ZNF469: variants seen among roughly 807,000 people sequenced by gnomAD.
ZNF469 encodes zinc finger protein 469.
Under a neutral mutation model 1.0 loss-of-function variants are expected in ZNF469, and 1 was observed. That is an observed-to-expected ratio of 1.00 (90% CI 0.35 to 4.73). The LOEUF (loss-of-function observed/expected upper bound fraction) is 4.73. Ranked by LOEUF, ZNF469 falls within the 30% of genes most tolerant of loss-of-function variation. ZNF469 has a pLI of 0.16. For synonymous variants in ZNF469, 2,703 were observed against 2,363.4 expected, an observed-to-expected ratio of 1.14 and a Z score of -4.17; for missense variants, 6,100 against 5,356.3, an observed-to-expected ratio of 1.14 and a Z score of -4.33.
Position 88,438,846 on chromosome 16 carries a change from G to C in ZNF469, c.11376G>C (p.Gly3792=). ...ARAQAKSCTK[G]PREAGEQGPH... The stretch of plus-strand genomic sequence containing the variant: ...CCCAAGCCAAGAGCTGCACCAAGGG[G>C]CCAAGGGAAGCTGGTGAGCAGGGGC... The change falls in exon 3 of 3, where the codon GGG becomes GGC. Residue 3792 remains glycine (G), a synonymous_variant. Coordinates refer to ENST00000565624, the MANE Select transcript of ZNF469 (RefSeq NM_001367624.2). 1.3e-6 allele frequency: 2 copies of C among 1,550,424 alleles called. No individual in the cohort carries two copies. The highest frequency in any genetic ancestry group is 1.7e-6 in the Non-Finnish European group (2 of 1,146,984).
At chr16:88,198,349 G>A in the ZNF469 span, among the ~76,000 whole-genome samples, 2 of 152,294 alleles carry the variant, frequency 1.3e-5, no homozygotes, top group South Asian at 2.1e-4. Context: ...TGGGAAGCCC[G>A]GCAGACCCCT....
At chr16:88,113,246 A>G in the ZNF469 span, among the ~76,000 whole-genome samples, 1 of 152,092 alleles carries the variant, frequency 6.6e-6, no homozygotes, top group Non-Finnish European at 1.5e-5. Flanking sequence ...TGGATTCCAG[A>G]CTTTAATCCA....
the ZNF469 span, among the ~76,000 whole-genome samples, chr16:88,128,639 C>T: frequency 1.3e-5 from 2 of 152,238 alleles, no homozygotes; most frequent in Non-Finnish European, 2.9e-5. Context: ...GGGCTTCTCT[C>T]CCCCGACCCA....
the ZNF469 span, among the ~76,000 whole-genome samples, chr16:88,127,429 A>G: frequency 6.6e-6 from 1 of 152,324 alleles, no homozygotes; most frequent in Non-Finnish European, 1.5e-5. Context: ...GCGACTTTCT[A>G]TTTGGTCAGT....
the ZNF469 span, among the ~76,000 whole-genome samples, chr16:88,112,173 T>C: frequency 2.0e-5 from 3 of 150,916 alleles, no homozygotes; most frequent in East Asian, 6.1e-4. Flanking sequence ...GCGCGTTGGC[T>C]AACGCCTGAA....
At chr16:88,415,782 G>A (rs760725469) in intron 1 of ZNF469, among the ~76,000 whole-genome samples, 7 of 152,218 alleles carry the variant, frequency 4.6e-5, no homozygotes, top group East Asian at 3.9e-4. Context: ...AACCGGGACC[G>A]ACGGCTTCTT....
At chr16:88,312,777 C>T in the ZNF469 span, among the ~76,000 whole-genome samples, 28 of 152,192 alleles carry the variant, frequency 1.8e-4, no homozygotes, top group African/African-American at 4.8e-4. Context: ...GCAGTCAATG[C>T]GTCTGCCTTG....
At chr16:88,284,637 G>T in the ZNF469 span, among the ~76,000 whole-genome samples, 1 of 149,814 alleles carries the variant, frequency 6.7e-6, no homozygotes, top group Non-Finnish European at 1.5e-5. Flanking sequence ...AAAAGAACAG[G>T]CTCCTGTAAA....
At chr16:88,237,200 G>T in the ZNF469 span, among the ~76,000 whole-genome samples, 9,303 of 18,502 alleles carry the variant, frequency 0.5, 2,917 homozygotes, top group Non-Finnish European at 0.71. Context: ...CCTGCCCTCT[G>T]TGCTCCTGCC....
At chr16:88,291,818 G>C in the ZNF469 span, among the ~76,000 whole-genome samples, 1 of 152,150 alleles carries the variant, frequency 6.6e-6, no homozygotes, top group Non-Finnish European at 1.5e-5. Context: ...CTGGGCCTCA[G>C]TCTCCCTTCT....
At chr16:88,343,434 A>G in the ZNF469 span, among the ~76,000 whole-genome samples, 14,455 of 152,236 alleles carry the variant, frequency 0.095, 862 homozygotes, top group African/African-American at 0.15. Context: ...GCCCGCCCAC[A>G]TGCAGCCTGC....
At chr16:88,235,617 C>T in the ZNF469 span, among the ~76,000 whole-genome samples, 1 of 152,250 alleles carries the variant, frequency 6.6e-6, no homozygotes, top group Admixed American at 6.5e-5. Context: ...GAATTCCTCC[C>T]ACCTGAGTTA....
chr16:88,180,325 A>AT, the ZNF469 span, among the ~76,000 whole-genome samples: 1 of 152,186 alleles, frequency 6.6e-6, no homozygotes, highest in African/African-American at 2.4e-5. Flanking sequence ...AAAAAATAAC[A>AT]TAAAAACATA....
Position 88,437,253 on chromosome 16 carries a change from A to C in ZNF469, c.9783A>C (p.Glu3261Asp), listed in dbSNP as rs1358319515. ...GAGACCCGTGGGGGCAAGAGGGAGA[A>C]GCCAAGAAAGACAGCCCGGGCGAGA... Reference protein sequence around the residue: ...SPGDPWGQEGEAKKDSPGERA... With the variant: ...SPGDPWGQEGDAKKDSPGERA... The change falls in exon 3 of 3, where the codon GAA becomes GAC. Residue 3261 changes from glutamate to aspartate, a missense_variant. Glu to Asp is a conservative substitution (Grantham distance 45). Transcript: ENST00000565624. The C allele has an allele frequency of 1.3e-6, 2 of 1,548,844 alleles. No homozygotes were observed. Among genetic ancestry groups the C allele is most frequent in the Non-Finnish European group, 1.7e-6 (2 of 1,146,166 alleles).
At chr16:88,271,523 G>A in the ZNF469 span, among the ~76,000 whole-genome samples, 1 of 140,658 alleles carries the variant, frequency 7.1e-6, no homozygotes, top group African/African-American at 2.5e-5. Flanking sequence ...TGTGTGGCAC[G>A]TGGAAAGGAA....
At chr16:88,164,948 C>A in the ZNF469 span, among the ~76,000 whole-genome samples, 52 of 152,316 alleles carry the variant, frequency 3.4e-4, no homozygotes, top group African/African-American at 1.2e-3. Context: ...AGGTGGTGTG[C>A]CCCGCCATGC....
At chr16:88,260,340 C>T in the ZNF469 span, among the ~76,000 whole-genome samples, 1 of 152,300 alleles carries the variant, frequency 6.6e-6, no homozygotes, top group South Asian at 2.1e-4. The surrounding 1 kb of genome is among the most constrained non-coding windows in gnomAD (Gnocchi z 4.1). Flanking sequence ...AGTGTTTCCA[C>T]AATACGACAC....
At chr16:88,392,314 C>T (rs1904514491) in intron 1 of ZNF469, among the ~76,000 whole-genome samples, 1 of 152,384 alleles carries the variant, frequency 6.6e-6, no homozygotes, top group South Asian at 2.1e-4. Context: ...CAGCCCTGCA[C>T]CCAGGGTCTC....
chr16:88,185,931 CAT>C, the ZNF469 span, among the ~76,000 whole-genome samples: 9 of 152,088 alleles, frequency 5.9e-5, no homozygotes, highest in South Asian at 2.1e-4. Context: ...CACTCTCACA[CAT>C]GTGAATATAG....
Sources: gnomAD v4.1 joint callset for allele counts (sites outside exome capture counted in the v4.1 genomes callset) on GRCh38, gnomAD v4.1.1 for gene constraint, Gnocchi (gnomAD v3.1) non-coding constraint, MANE v1.5 for transcripts, NCBI Gene and HGNC (gene_info 2026-07-23, HGNC 2026-07-21) for gene names.